SMARCB1: variants seen among roughly 807,000 people sequenced by gnomAD.
SMARCB1 encodes SWI/SNF related BAF chromatin remodeling complex subunit B1.
SMARCB1 carries 5 observed loss-of-function variants against 49.0 expected under a neutral mutation model. That is an observed-to-expected ratio of 0.10 (90% CI 0.05 to 0.21). The LOEUF is 0.21. SMARCB1 is among the 10% of genes least tolerant of loss of function. The probability of loss-of-function intolerance (pLI) is 1.00; values close to 1 mark genes in which losing one functional copy is unlikely to be tolerated. For synonymous variants in SMARCB1, 201 were observed against 200.1 expected (o/e 1.00, Z -0.04); for missense variants, 226 against 509.2 (o/e 0.44, Z 5.35).
Position 23,834,339 on chromosome 22 carries a change from C to T in SMARCB1, c.*159C>T. Reference sequence around the variant, plus strand: ...CTTCCAGGTGGCCCTTCCCGGCACACATTCCATTTGTTGAGCCCCAGTCCT... The same window carrying T: ...CTTCCAGGTGGCCCTTCCCGGCACATATTCCATTTGTTGAGCCCCAGTCCT... On this transcript the variant is annotated 3_prime_UTR_variant, in exon 9 of 9. Transcript: ENST00000644036. 1 of 787,586 alleles carries T rather than the reference C, an allele frequency of 1.3e-6. No homozygotes were observed. The highest frequency in any genetic ancestry group is 1.5e-5 in the South Asian group (1 of 68,928). 48.8% of individuals were successfully genotyped at this position (787,586 alleles called of 1,614,324 possible). A position where few individuals can be genotyped will look rare whatever the true frequency, so the allele number is the denominator to read the frequency against.
In SMARCB1 at chr22:23,788,128, T is replaced by C. The variant is rs574216846; in HGVS notation, c.93+866T>C. Among the ~76,000 whole-genome samples the C allele has an allele frequency of 2.3e-3, 349 of 151,234 alleles. 2 individuals carry two copies. Among genetic ancestry groups the C allele is most frequent in the African/African-American group, 8.2e-3 (337 of 41,172 alleles). On this transcript the variant is annotated intron_variant, in intron 1 of 8. Coordinates refer to ENST00000644036, the MANE Select transcript of SMARCB1 (RefSeq NM_003073.5). The stretch of plus-strand genomic sequence containing the variant: ...GGCTCAAGCAGTCTGCCCGTCTGGG[T>C]CTCCCAAAGTGCTAGGATTACAGGC...
At chr22:23,798,662 G>A (rs1487767214) in intron 3 of SMARCB1, among the ~76,000 whole-genome samples, 1 of 152,062 alleles carries the variant, frequency 6.6e-6, no homozygotes, top group Non-Finnish European at 1.5e-5. Flanking sequence ...CAGAGTCCAG[G>A]CAGGTCTTGG....
intron 5 of SMARCB1, among the ~76,000 whole-genome samples, chr22:23,814,490 A>C (rs1298080871): frequency 6.6e-6 from 1 of 151,696 alleles, no homozygotes. Flanking sequence ...AGATGGAGAA[A>C]CCTCGTCTCT....
In SMARCB1 at chr22:23,834,906, G is replaced by A. The variant is rs1202701454; in HGVS notation, c.*726G>A. 3 of 1,611,476 alleles carry A rather than the reference G, an allele frequency of 1.9e-6. No individual in the cohort carries two copies. The highest frequency in any genetic ancestry group is 2.5e-6 in the Non-Finnish European group (3 of 1,179,606). On this transcript the variant is annotated 3_prime_UTR_variant, in exon 9 of 9. Transcript: ENST00000644036. ...TGTCCAGATGGTCAGGCTACTGCCA[G>A]CTGGGGCCTTGCTGCTCTGAAGTCC...
At position 23,836,843 on chromosome 22, in the gene SMARCB1, C is replaced by T; in HGVS notation, c.*2663C>T. On this transcript the variant is annotated 3_prime_UTR_variant, in exon 9 of 9. Coordinates refer to ENST00000644036, the MANE Select transcript of SMARCB1 (RefSeq NM_003073.5). ...GGGTAGGATGGAAGCTGCCAGAAGCCTCTTAGGCCTGGCCCTGGGTGGGGG... is the reference window on the plus strand; with the variant it reads ...GGGTAGGATGGAAGCTGCCAGAAGCTTCTTAGGCCTGGCCCTGGGTGGGGG... 1.4e-6 allele frequency: 2 copies of T among 1,447,396 alleles called. No homozygotes were observed. The highest frequency in any genetic ancestry group is 1.8e-6 in the Non-Finnish European group (2 of 1,099,184). 89.7% of individuals were successfully genotyped at this position (1,447,396 alleles called of 1,614,324 possible).
At chr22:23,810,158 C>T (rs1332331991) in intron 5 of SMARCB1, among the ~76,000 whole-genome samples, 3 of 148,986 alleles carry the variant, frequency 2.0e-5, no homozygotes, top group South Asian at 2.1e-4. Flanking sequence ...GGTGACAGAG[C>T]GAGACTCCAA....
intron 5 of SMARCB1, chr22:23,815,516 A>T (rs1474436975): frequency 7.2e-6 from 1 of 139,118 alleles, no homozygotes; most frequent in Admixed American, 7.6e-5. Flanking sequence ...CCTGGGCGAC[A>T]GAGCGAGACT....
chr22:23,816,713 G>T, intron 5 of SMARCB1, 57 bp from the exon 6 acceptor site: 1 of 1,523,872 alleles, frequency 6.6e-7, no homozygotes, highest in Non-Finnish European at 9.1e-7. Flanking sequence ...GAGGGAGGCC[G>T]GTCCATGCCC....
Position 23,836,859 on chromosome 22 carries a change from T to C in SMARCB1, c.*2679T>C, listed in dbSNP as rs746452240. On this transcript the variant is annotated 3_prime_UTR_variant, in exon 9 of 9. Coordinates refer to ENST00000644036, the MANE Select transcript of SMARCB1 (RefSeq NM_003073.5). ...GCCAGAAGCCTCTTAGGCCTGGCCC[T>C]GGGTGGGGGTCACTGCTGCGGGGGT... is the stretch of plus-strand genomic sequence containing the variant. 17 of 1,452,718 alleles carry C rather than the reference T, an allele frequency of 1.2e-5. No homozygotes were observed. Among genetic ancestry groups the C allele is most frequent in the Non-Finnish European group, 1.5e-5 (17 of 1,101,654 alleles). 90.0% of individuals were successfully genotyped at this position (1,452,718 alleles called of 1,614,324 possible). A position where few individuals can be genotyped will look rare whatever the true frequency, so the allele number is the denominator to read the frequency against.
intron 3 of SMARCB1, among the ~76,000 whole-genome samples, chr22:23,795,967 AT>A (rs1928723137): frequency 6.6e-6 from 1 of 151,326 alleles, no homozygotes; most frequent in South Asian, 2.1e-4. Context: ...ATTTTTTTGT[AT>A]TTTTATTAGA....
chr22:23,801,281 G>GTCACATTGCCATGTCCTCC, intron 4 of SMARCB1, 200 bp downstream of exon 4: 1 of 801,922 alleles, frequency 1.2e-6, no homozygotes, highest in Non-Finnish European at 2.1e-6. Flanking sequence ...TCTGTCTGCT[G>GTCACATTGCCATGTCCTCC]TCACCTTGCC....
In SMARCB1 at chr22:23,787,105, C is replaced by T. The variant is rs1466381289; in HGVS notation, c.-65C>T. The T allele has an allele frequency of 1.0e-5, 11 of 1,056,610 alleles. No individual in the cohort carries two copies. Among genetic ancestry groups the T allele is most frequent in the East Asian group, 2.5e-5 (1 of 40,162 alleles). The allele number at this position is 1,056,610 out of a possible 1,614,324, so 65.5% of individuals were successfully genotyped here. Reference sequence around the variant, plus strand: ...CGGTTTCCCTCGGCCCAGCACGCCCCGGCCCCGCCCCAGCCCTCCTGATCC... The same window carrying T: ...CGGTTTCCCTCGGCCCAGCACGCCCTGGCCCCGCCCCAGCCCTCCTGATCC... On this transcript the variant is annotated 5_prime_UTR_variant, in exon 1 of 9. Transcript: ENST00000644036.
chr22:23,831,045 C>T (rs2030631840), intron 7 of SMARCB1, among the ~76,000 whole-genome samples: 1 of 152,156 alleles, frequency 6.6e-6, no homozygotes, highest in African/African-American at 2.4e-5. Context: ...CATGTTGCCC[C>T]AGCACCATGT....
Position 23,836,046 on chromosome 22 carries a change from C to T in SMARCB1, c.*1866C>T. ...CACAACATGGACAGGCTTAGAACAA[C>T]AAGGAAAGCTGCCAGGTCAGAAGAG... On this transcript the variant is annotated 3_prime_UTR_variant, in exon 9 of 9. Transcript: ENST00000644036. 2.0e-6 allele frequency: 2 copies of T among 985,480 alleles called. No homozygotes were observed. Among genetic ancestry groups the T allele is most frequent in the Non-Finnish European group, 2.4e-6 (2 of 829,954 alleles). The allele number at this position is 985,480 out of a possible 1,614,324, so 61.0% of individuals were successfully genotyped here.
chr22:23,800,072 A>C (rs551776252), intron 3 of SMARCB1, among the ~76,000 whole-genome samples: 45 of 151,324 alleles, frequency 3.0e-4, no homozygotes, highest in Admixed American at 1.6e-3. Context: ...CAGGTGATCC[A>C]TCCGCCTTGG....
At chr22:23,801,694 T>C (rs1285542023) in intron 4 of SMARCB1, 4 of 287,964 alleles carry the variant, frequency 1.4e-5, no homozygotes, top group African/African-American at 2.2e-5. Context: ...TCCCTGTCTC[T>C]CTCTTAGAAG....
At chr22:23,802,767 G>A (rs1465798420) in intron 4 of SMARCB1, 1 of 244,300 alleles carries the variant, frequency 4.1e-6, no homozygotes, top group Admixed American at 5.1e-5. Flanking sequence ...AATCCTCCTG[G>A]GACTCCCTCA....
chr22:23,817,062 T>C, intron 6 of SMARCB1, 126 bp downstream of exon 6: 1 of 755,672 alleles, frequency 1.3e-6, no homozygotes, highest in Non-Finnish European at 2.3e-6. Context: ...ATCTGGAAAG[T>C]CATAACACCT....
At position 23,831,560 on chromosome 22, in the gene SMARCB1, G is replaced by T. The variant is rs377479019; in HGVS notation, c.987-2012G>T. 5.3e-5 allele frequency among the ~76,000 whole-genome samples: 8 copies of T among 152,202 alleles called. No homozygotes were observed. The East Asian group carries it at 5.8e-4, about 11-fold the overall frequency. The stretch of plus-strand genomic sequence containing the variant: ...CCACATGCCCCCAAAACCCAAGGCA[G>T]GCTAGTGCTGGCTCTAGGCCCGTTC... On this transcript the variant is annotated intron_variant, in intron 7 of 8. Transcript: ENST00000644036.
Sources: allele counts gnomAD v4.1 joint callset (sites outside exome capture counted in the v4.1 genomes callset), GRCh38; gene constraint gnomAD v4.1.1; transcripts MANE v1.5; gene names NCBI Gene and HGNC (gene_info 2026-07-23, HGNC 2026-07-21).